Variants in LDLRAD4 observed in about 807,000 individuals in gnomAD.
The protein encoded by LDLRAD4 is low-density lipoprotein receptor class A domain-containing protein 4.
LDLRAD4 carries 5 observed loss-of-function variants against 17.0 expected under a neutral mutation model. The ratio of observed to expected loss-of-function variants is 0.29; its 90% CI spans 0.15 to 0.62. The LOEUF (loss-of-function observed/expected upper bound fraction) is 0.62. LDLRAD4 is among the 20% of genes least tolerant of loss of function. The probability of loss-of-function intolerance (pLI) is 0.84; values close to 1 mark genes in which losing one functional copy is unlikely to be tolerated. For missense variants in LDLRAD4, 340 were observed against 424.7 expected (o/e 0.80, Z 1.75); for synonymous variants, 168 against 171.8 (o/e 0.98, Z 0.17).
intron 3 of LDLRAD4, chr18:13,471,143 G>A (rs1297645170): frequency 6.6e-6 from 1 of 152,260 alleles, no homozygotes; most frequent in Non-Finnish European, 1.5e-5. Context: ...AGTGATTGTT[G>A]TACTCCGTGG....
At chr18:13,651,126 G>C (rs1285115573) in exon 6 of LDLRAD4, 1 of 152,218 alleles carries the variant, frequency 6.6e-6, no homozygotes, top group East Asian at 1.9e-4. Context: ...TCTATCTCCT[G>C]CTGTAGCATC....
intron 4 of LDLRAD4, among the ~76,000 whole-genome samples, chr18:13,624,838 C>T (rs558940062): frequency 7.2e-5 from 11 of 152,356 alleles, no homozygotes; most frequent in African/African-American, 2.6e-4. Flanking sequence ...GTCTCCTGGG[C>T]TCCCTGTGCT....
chr18:13,251,658 A>T (rs966266632), intron 1 of LDLRAD4, among the ~76,000 whole-genome samples: 1 of 152,224 alleles, frequency 6.6e-6, no homozygotes, highest in Non-Finnish European at 1.5e-5. Context: ...GATAAACTTT[A>T]CCAAGGAGGC....
At chr18:13,328,001 C>T (rs961288887) in intron 1 of LDLRAD4, among the ~76,000 whole-genome samples, 11 of 152,300 alleles carry the variant, frequency 7.2e-5, no homozygotes, top group Admixed American at 3.3e-4. Flanking sequence ...AGGGGAAACA[C>T]GCCTCATGAG....
At chr18:13,295,775 T>G (rs1328581315) in intron 1 of LDLRAD4, among the ~76,000 whole-genome samples, 1 of 152,240 alleles carries the variant, frequency 6.6e-6, no homozygotes, top group Non-Finnish European at 1.5e-5. Context: ...GCTATAAGCC[T>G]TCTCTAGTAG....
chr18:13,611,835 CTCACGCCTTGCCAGT>C (rs2039591698), intron 3 of LDLRAD4: 1 of 985,466 alleles, frequency 1.0e-6, no homozygotes, highest in Admixed American at 6.1e-5. Flanking sequence ...CGGTTAGGAC[CTCACGCCTTGCCAGT>C]ACAGAGCTCG....
At position 13,427,707 on chromosome 18, in the gene LDLRAD4, A is replaced by G. The variant is rs1212987301; in HGVS notation, c.41-10537A>G. On this transcript the variant is annotated intron_variant, in intron 2 of 5. Transcript: ENST00000359446. ...CCTAGCTATTTATGACCTTGAGGAC[A>G]GGAGAGAACGATTCCATAATTGAAG... Among the ~76,000 whole-genome samples the G allele has an allele frequency of 2.0e-5, 3 of 152,276 alleles. No homozygotes were observed. In the East Asian group the frequency reaches 5.8e-4, roughly 29 times the overall value.
intron 3 of LDLRAD4, among the ~76,000 whole-genome samples, chr18:13,552,377 C>T (rs1261872726): frequency 3.3e-5 from 5 of 152,254 alleles, no homozygotes; most frequent in Non-Finnish European, 7.3e-5. Context: ...TCTTTCAAGG[C>T]ACTTACGTTT....
intron 1 of LDLRAD4, among the ~76,000 whole-genome samples, chr18:13,256,390 G>T (rs1023955444): frequency 5.3e-5 from 8 of 152,196 alleles, no homozygotes; most frequent in Non-Finnish European, 7.3e-5. Flanking sequence ...AGCTGCATGG[G>T]CACAGGTTAG....
intron 3 of LDLRAD4, among the ~76,000 whole-genome samples, chr18:13,586,410 A>AAAAAAAAAAAAAAAAAAAAAAC: frequency 6.8e-6 from 1 of 146,436 alleles, no homozygotes; most frequent in East Asian, 2.0e-4. Context: ...CTGTCTCAAA[A>AAAAAAAAAAAAAAAAAAAAAAC]AAAAAAAAAA....
chr18:13,251,919 C>T (rs1398707414), intron 1 of LDLRAD4, among the ~76,000 whole-genome samples: 2 of 152,216 alleles, frequency 1.3e-5, no homozygotes, highest in South Asian at 2.1e-4. Context: ...GTGCTTTTCT[C>T]CTTGGTCTTC....
At chr18:13,527,051 C>G (rs535795914) in intron 3 of LDLRAD4, among the ~76,000 whole-genome samples, 1 of 152,250 alleles carries the variant, frequency 6.6e-6, no homozygotes, top group Non-Finnish European at 1.5e-5. Context: ...TCATTTGCAG[C>G]TGCCCTTGGC....
At chr18:13,371,275 G>A (rs996430371) in intron 1 of LDLRAD4, among the ~76,000 whole-genome samples, 5 of 152,306 alleles carry the variant, frequency 3.3e-5, no homozygotes, top group Middle Eastern at 3.4e-3. Context: ...AAATGCTGTG[G>A]GTGTGGGCTG....
intron 3 of LDLRAD4, among the ~76,000 whole-genome samples, chr18:13,603,934 G>A (rs1156945699): frequency 6.6e-6 from 1 of 152,258 alleles, no homozygotes; most frequent in Non-Finnish European, 1.5e-5. Flanking sequence ...CAGCCCTGGA[G>A]CTGACATCAA....
rs564417120 is a variant in LDLRAD4 at position 13,580,339 on chromosome 18, G to T, written c.182-40778G>T. Reference sequence around the variant, plus strand: ...TTGTGACCCCACCTTGGCTTTCTTGGCTTGTGACCTTTTCGTCATCTCAAA... The same window carrying T: ...TTGTGACCCCACCTTGGCTTTCTTGTCTTGTGACCTTTTCGTCATCTCAAA... On this transcript the variant is annotated intron_variant, in intron 3 of 5. Coordinates refer to ENST00000359446, the Ensembl canonical transcript of LDLRAD4. Among the ~76,000 whole-genome samples, 23 of 152,308 alleles carry T rather than the reference G, an allele frequency of 1.5e-4. No homozygotes were observed. The East Asian group carries it at 4.2e-3, about 28-fold the overall frequency.
At chr18:13,431,280 A>G (rs755910607) in intron 2 of LDLRAD4, among the ~76,000 whole-genome samples, 1 of 152,216 alleles carries the variant, frequency 6.6e-6, no homozygotes, top group Non-Finnish European at 1.5e-5. Flanking sequence ...TGTTCTTCCA[A>G]GAGTTTGAAA....
At chr18:13,543,950 C>T (rs1054274467) in intron 3 of LDLRAD4, among the ~76,000 whole-genome samples, 3 of 152,220 alleles carry the variant, frequency 2.0e-5, no homozygotes, top group African/African-American at 7.2e-5. Flanking sequence ...GAGTATGTAC[C>T]CGGGGATACC....
chr18:13,502,574 A>G (rs950524143), intron 3 of LDLRAD4, among the ~76,000 whole-genome samples: 2 of 152,338 alleles, frequency 1.3e-5, no homozygotes, highest in East Asian at 3.9e-4. Flanking sequence ...TTTATCGAAG[A>G]AAAAAGTAAG....
At chr18:13,550,895 C>G (rs1292141138) in intron 3 of LDLRAD4, among the ~76,000 whole-genome samples, 14 of 152,106 alleles carry the variant, frequency 9.2e-5, no homozygotes, top group Non-Finnish European at 2.9e-5. Flanking sequence ...CCCTTGGGCC[C>G]CCTCCTATGA....
Sources: gnomAD v4.1 joint callset for allele counts (sites outside exome capture counted in the v4.1 genomes callset) on GRCh38, gnomAD v4.1.1 for gene constraint, MANE v1.5 for transcripts, NCBI Gene and HGNC (gene_info 2026-07-23, HGNC 2026-07-21) for gene names.